SPIRE2: variants seen among roughly 807,000 people sequenced by gnomAD.
SPIRE2 encodes the protein spire type actin nucleation factor 2, also known as protein spire homolog 2.
In SPIRE2, 76 loss-of-function variants were observed where a neutral mutation model predicts 80.7. That is an observed-to-expected ratio of 0.94 (90% CI 0.78 to 1.14). The LOEUF (loss-of-function observed/expected upper bound fraction) is 1.14, where lower values mean the gene tolerates loss of function less well. Ranked by LOEUF, SPIRE2 falls within the 50% of genes most tolerant of loss-of-function variation. The pLI is 0.00. For synonymous variants in SPIRE2, 535 were observed against 432.6 expected (o/e 1.24, Z -2.94); for missense variants, 1,196 against 1,015.3 (o/e 1.18, Z -2.42).
In SPIRE2 at chr16:89,850,906, G is replaced by C. The variant is rs1278793054; in HGVS notation, c.645+246G>C. ...GCTGGAGGGGTAGTGGCTCGATCTC[G>C]GCTCACTGCAACCTCCGCCTCCCAG... is the stretch of plus-strand genomic sequence containing the variant. On this transcript the variant is annotated intron_variant, in intron 3 of 14. Transcript: ENST00000378247. Among the ~76,000 whole-genome samples the C allele has an allele frequency of 2.6e-5, 4 of 151,828 alleles. No homozygotes were observed. In the East Asian group the frequency reaches 7.7e-4, roughly 29 times the overall value.
In SPIRE2 at chr16:89,829,670, C is replaced by CT. The variant is rs2041360469; in HGVS notation, c.244+876_244+877insT. Reference sequence around the variant, plus strand: ...GAGGGGTGGGGGCCGTTGTGCCCCACCCAAGGGCCCTTGTTCCTTCACCAG... The same window carrying CT: ...GAGGGGTGGGGGCCGTTGTGCCCCACTCCAAGGGCCCTTGTTCCTTCACCAG... On this transcript the variant is annotated intron_variant, in intron 1 of 14. Coordinates refer to ENST00000378247, the MANE Select transcript of SPIRE2 (RefSeq NM_032451.2). Among the ~76,000 whole-genome samples, 9 of 139,302 alleles carry CT rather than the reference C, an allele frequency of 6.5e-5. 1 individual carries two copies. Among genetic ancestry groups the CT allele is most frequent in the Non-Finnish European group, 1.2e-4 (7 of 58,570 alleles). 91.4% of individuals were successfully genotyped at this position (139,302 alleles called of 152,430 possible).
At chr16:89,835,094 C>T (rs1190460790) in intron 1 of SPIRE2, among the ~76,000 whole-genome samples, 4 of 150,242 alleles carry the variant, frequency 2.7e-5, no homozygotes, top group African/African-American at 9.9e-5. Context: ...AGTTGGCCGT[C>T]GTAGAAGCCT....
At chr16:89,866,845 G>A (rs1256371791) in intron 12 of SPIRE2, among the ~76,000 whole-genome samples, 5 of 151,032 alleles carry the variant, frequency 3.3e-5, no homozygotes, top group South Asian at 4.2e-4. Context: ...TCCTGACCTC[G>A]TGATCTGCCC....
intron 1 of SPIRE2, among the ~76,000 whole-genome samples, chr16:89,840,636 ATTTTTTTTT>A (rs10708235): frequency 1.8e-4 from 21 of 116,882 alleles, no homozygotes; most frequent in African/African-American, 6.2e-4. Flanking sequence ...AAGTTTTCAA[ATTTTTTTTT>A]TTTTTTTTTT....
chr16:89,863,618 TGCCTAGACGTGGGGCTAC>T lies in SPIRE2; in HGVS notation c.1710+11_1710+28del. 1 of 1,614,038 alleles carries T rather than the reference TGCCTAGACGTGGGGCTAC, an allele frequency of 6.2e-7. No individual in the cohort carries two copies. Among genetic ancestry groups the T allele is most frequent in the Non-Finnish European group, 8.5e-7 (1 of 1,180,030 alleles). On this transcript the variant is annotated intron_variant, in intron 11 of 14. Transcript: ENST00000378247. The surrounding 1 kb of genome is among the most constrained non-coding windows in gnomAD (Gnocchi z 4.3). ...AGTCTGAAGAAGGGGAAGGTGAGGC[TGCCTAGACGTGGGGCTAC>T]GCTCTTGCCCGCTGGGTCAGGGGCG...
intron 1 of SPIRE2, among the ~76,000 whole-genome samples, chr16:89,842,021 C>G (rs1292719546): frequency 6.6e-6 from 1 of 151,890 alleles, no homozygotes; most frequent in Non-Finnish European, 1.5e-5. Flanking sequence ...AGCCACCGCA[C>G]CCCACAGTAA....
rs368063111 is a variant in SPIRE2, at chr16:89,829,713, G to GC, written c.244+927dup. ...TTCACCAGGTCCTGCTCATCCTGGAGCCCCCCCCTCAGCTGCCTCCACACT... is the reference window on the plus strand; with the variant it reads ...TTCACCAGGTCCTGCTCATCCTGGAGCCCCCCCCCTCAGCTGCCTCCACACT... On this transcript the variant is annotated intron_variant, in intron 1 of 14. Transcript: ENST00000378247. Among the ~76,000 whole-genome samples the GC allele has an allele frequency of 3.6e-3, 499 of 139,184 alleles. 6 individuals are homozygous for GC. The highest frequency in any genetic ancestry group is 0.011 in the African/African-American group (462 of 40,292). 91.3% of individuals were successfully genotyped at this position (139,184 alleles called of 152,430 possible).
chr16:89,855,961 C>T, intron 6 of SPIRE2, 152 bp from the exon 7 acceptor site: 1 of 1,367,824 alleles, frequency 7.3e-7, no homozygotes, highest in Non-Finnish European at 9.8e-7. Flanking sequence ...GAGCAGCACT[C>T]CCTCCGGGTG....
chr16:89,844,681 G>A (rs900380186), intron 1 of SPIRE2, among the ~76,000 whole-genome samples: 1 of 151,966 alleles, frequency 6.6e-6, no homozygotes, highest in Non-Finnish European at 1.5e-5. Flanking sequence ...GTTGTGATCC[G>A]CCTGCCTCAG....
chr16:89,845,891 C>CATTTA, intron 2 of SPIRE2: 1 of 520,298 alleles, frequency 1.9e-6, no homozygotes. Flanking sequence ...TGCTTTTGTT[C>CATTTA]ATTTTATTTT....
intron 1 of SPIRE2, among the ~76,000 whole-genome samples, chr16:89,834,148 G>A (rs113468803): frequency 6.7e-6 from 1 of 149,806 alleles, no homozygotes; most frequent in Non-Finnish European, 1.5e-5. Context: ...CTGTGAACCT[G>A]CCTGCGCTCG....
chr16:89,840,854 G>A (rs930465319), intron 1 of SPIRE2, among the ~76,000 whole-genome samples: 1 of 151,230 alleles, frequency 6.6e-6, no homozygotes, highest in Non-Finnish European at 1.5e-5. Flanking sequence ...AGCCAGGATG[G>A]TCTCGATCTC....
At chr16:89,855,162 T>C (rs1200229420) in intron 5 of SPIRE2, among the ~76,000 whole-genome samples, 1 of 152,104 alleles carries the variant, frequency 6.6e-6, no homozygotes, top group Non-Finnish European at 1.5e-5. Flanking sequence ...ATGGTCTCGA[T>C]CTCCTGACCT....
At chr16:89,840,829 G>T (rs1203776907) in intron 1 of SPIRE2, among the ~76,000 whole-genome samples, 1 of 150,380 alleles carries the variant, frequency 6.6e-6, no homozygotes, top group African/African-American at 2.4e-5. Context: ...AGTAGAGACG[G>T]GGTTTCACCG....
intron 12 of SPIRE2, among the ~76,000 whole-genome samples, chr16:89,867,501 A>G (rs2041800632): frequency 1.3e-5 from 2 of 151,738 alleles, no homozygotes. Context: ...TTCCAAAAGT[A>G]TGTGACCCAT....
intron 12 of SPIRE2, among the ~76,000 whole-genome samples, chr16:89,865,686 T>A (rs139033916): frequency 2.0e-5 from 3 of 152,130 alleles, no homozygotes; most frequent in Admixed American, 2.0e-4. Context: ...AAAGTAAGGC[T>A]GGGCCGGGCG....
intron 1 of SPIRE2, among the ~76,000 whole-genome samples, chr16:89,833,669 C>A (rs2041410587): frequency 1.3e-5 from 2 of 152,192 alleles, no homozygotes; most frequent in African/African-American, 4.8e-5. Flanking sequence ...CAGCCCTGGG[C>A]ACGCCTGGCT....
At chr16:89,840,136 C>A (rs2041490350) in intron 1 of SPIRE2, among the ~76,000 whole-genome samples, 1 of 152,136 alleles carries the variant, frequency 6.6e-6, no homozygotes, top group Non-Finnish European at 1.5e-5. Flanking sequence ...AACCTCTGTC[C>A]ACCACCCACC....
At chr16:89,866,073 A>T (rs192612036) in intron 12 of SPIRE2, among the ~76,000 whole-genome samples, 37 of 151,502 alleles carry the variant, frequency 2.4e-4, no homozygotes, top group African/African-American at 8.7e-4. Context: ...CACTTGAGCC[A>T]AGGAGGTCAA....
Sources: gnomAD v4.1 joint callset for allele counts (sites outside exome capture counted in the v4.1 genomes callset) on GRCh38, gnomAD v4.1.1 for gene constraint, Gnocchi (gnomAD v3.1) non-coding constraint, MANE v1.5 for transcripts, NCBI Gene and HGNC (gene_info 2026-07-23, HGNC 2026-07-21) for gene names.